The following EFR3A variants were observed in gnomAD, a reference collection of about 807,000 sequenced individuals.
EFR3A encodes the protein EFR3 homolog A, also known as protein EFR3 homolog A.
In EFR3A, 76 loss-of-function variants were observed where a neutral mutation model predicts 104.4. That is an observed-to-expected ratio of 0.73 (90% CI 0.60 to 0.88). The LOEUF is 0.88. EFR3A is among the 40% of genes least tolerant of loss of function. The probability of loss-of-function intolerance (pLI) is 0.00; values close to 1 mark genes in which losing one functional copy is unlikely to be tolerated. For missense variants in EFR3A, 985 were observed against 1,012.5 expected, an observed-to-expected ratio of 0.97 and a Z score of 0.37; for synonymous variants, 330 against 330.0, an observed-to-expected ratio of 1.00 and a Z score of 0.00.
chr8:131,981,589 G>A (rs576969385), intron 14 of EFR3A, among the ~76,000 whole-genome samples: 1 of 152,016 alleles, frequency 6.6e-6, no homozygotes, highest in South Asian at 2.1e-4. Flanking sequence ...ACCTTAACTA[G>A]CAACTCAGAT....
chr8:131,984,690 T>G (rs535451707), intron 15 of EFR3A, among the ~76,000 whole-genome samples: 1 of 152,154 alleles, frequency 6.6e-6, no homozygotes. Flanking sequence ...CGTGTGTGTG[T>G]GTATATATAT....
intron 19 of EFR3A, among the ~76,000 whole-genome samples, chr8:131,997,295 T>C (rs16904569): frequency 0.041 from 6,299 of 152,178 alleles, 315 homozygotes; most frequent in East Asian, 0.12. Flanking sequence ...ATATGCATAA[T>C]TAAAAGAATA....
At chr8:131,975,525 T>C (rs1820284284) in intron 10 of EFR3A, among the ~76,000 whole-genome samples, 1 of 149,026 alleles carries the variant, frequency 6.7e-6, no homozygotes, top group Admixed American at 6.8e-5. Context: ...CAAGCAATTC[T>C]CCTGCCTCAA....
chr8:131,904,365 C>T, intron 1 of EFR3A, 43 bp downstream of exon 1: 3 of 1,244,252 alleles, frequency 2.4e-6, no homozygotes, highest in Non-Finnish European at 2.0e-6. Flanking sequence ...GAGGCGACTG[C>T]CTGCGCGACG....
At chr8:131,966,626 G>A (rs1469457134) in intron 8 of EFR3A, among the ~76,000 whole-genome samples, 1 of 152,118 alleles carries the variant, frequency 6.6e-6, no homozygotes, top group Non-Finnish European at 1.5e-5. Context: ...GAGAAACTGA[G>A]TTACAGGGAG....
At chr8:131,970,667 A>G in intron 10 of EFR3A, 24 bp downstream of exon 10, 1 of 1,600,866 alleles carries the variant, frequency 6.2e-7, no homozygotes, top group Non-Finnish European at 8.5e-7. Context: ...ACTTTTCAAA[A>G]CTATCATGTA....
chr8:131,947,535 T>A (rs1818500765), intron 4 of EFR3A, among the ~76,000 whole-genome samples: 1 of 151,906 alleles, frequency 6.6e-6, no homozygotes, highest in Non-Finnish European at 1.5e-5. Context: ...TTCCTTTTTT[T>A]TTTTTCCTTT....
rs1353429844 is a variant in EFR3A at position 131,970,471 on chromosome 8, T to C, written c.992-5T>C. The C allele has an allele frequency of 1.2e-6, 2 of 1,612,912 alleles. No individual in the cohort carries two copies. The highest frequency in any genetic ancestry group is 2.2e-5 in the South Asian group (2 of 90,942). On this transcript the variant is annotated splice_polypyrimidine_tract_variant and splice_region_variant and intron_variant, in intron 9 of 22. Coordinates refer to ENST00000254624, the MANE Select transcript of EFR3A (RefSeq NM_015137.6). ...GTATCTTCTCACATAAGTGATCCTTTATAGGTCCGACAGTGCTGGAAGTCT... is the reference window on the plus strand; with the variant it reads ...GTATCTTCTCACATAAGTGATCCTTCATAGGTCCGACAGTGCTGGAAGTCT...
chr8:131,953,749 C>A, intron 5 of EFR3A, 69 bp from the exon 6 acceptor site: 1 of 1,336,780 alleles, frequency 7.5e-7, no homozygotes. Context: ...ATTCTCTTAG[C>A]TACGCAAACA....
intron 22 of EFR3A, among the ~76,000 whole-genome samples, chr8:132,010,438 A>G (rs985100322): frequency 3.7e-5 from 5 of 136,946 alleles, no homozygotes; most frequent in Non-Finnish European, 7.7e-5. Flanking sequence ...ATATATATAT[A>G]TATATATATA....
rs1818624025 is a variant in EFR3A at position 131,950,068 on chromosome 8, A to G, written c.466A>G (p.Ser156Gly). ...CAGTGCCATGTGCCATTCCTGTCATAGTGATCCAGAAATACGAACAGAGTA... is the reference window on the plus strand; with the variant it reads ...CAGTGCCATGTGCCATTCCTGTCATGGTGATCCAGAAATACGAACAGAGTA... ...RFSAMCHSCH[S>G]DPEIRTEIRI... The change falls in exon 5 of 23, where the codon AGT becomes GGT. Residue 156 changes from serine to glycine, a missense_variant. Ser to Gly is a moderately conservative substitution (Grantham distance 56). Coordinates refer to ENST00000254624, the MANE Select transcript of EFR3A (RefSeq NM_015137.6). 3 of 1,609,738 alleles carry G rather than the reference A, an allele frequency of 1.9e-6. No homozygotes were observed. The highest frequency in any genetic ancestry group is 4.5e-5 in the East Asian group (2 of 44,696).
At chr8:131,994,782 G>C (rs1821392292) in intron 18 of EFR3A, among the ~76,000 whole-genome samples, 1 of 152,160 alleles carries the variant, frequency 6.6e-6, no homozygotes, top group Admixed American at 6.5e-5. Flanking sequence ...TGATTAATAA[G>C]AAACTGGAAA....
At chr8:131,929,751 A>G (rs1182376361) in intron 1 of EFR3A, among the ~76,000 whole-genome samples, 1 of 152,076 alleles carries the variant, frequency 6.6e-6, no homozygotes, top group Non-Finnish European at 1.5e-5. Context: ...TCTGAGGCAC[A>G]TTTGTTTTTT....
chr8:131,929,698 G>T (rs986419326), intron 1 of EFR3A, among the ~76,000 whole-genome samples: 2 of 152,088 alleles, frequency 1.3e-5, no homozygotes, highest in Non-Finnish European at 2.9e-5. Flanking sequence ...ATTGTTAAAA[G>T]AATACATGAG....
chr8:131,955,816 T>C lies in EFR3A; in HGVS notation c.687T>C (p.Asn229=). 1 of 1,613,562 alleles carries C rather than the reference T, an allele frequency of 6.2e-7. No individual in the cohort carries two copies. Residue 229 remains asparagine (N), a synonymous_variant, in exon 7 of 23, where the codon AAT becomes AAC. Transcript: ENST00000254624. Reference sequence around the variant, plus strand: ...CTTCTGCAACTGACAAAGAAGAGAATCCTGCTGTGCTGGCTGAAAACTGTT... The same window carrying C: ...CTTCTGCAACTGACAAAGAAGAGAACCCTGCTGTGCTGGCTGAAAACTGTT... ...SSPSATDKEE[N]PAVLAENCFR...
intron 16 of EFR3A, among the ~76,000 whole-genome samples, chr8:131,985,540 T>G (rs544975730): frequency 3.3e-5 from 5 of 152,202 alleles, no homozygotes; most frequent in Non-Finnish European, 7.3e-5. Context: ...AATAAACATT[T>G]CAATGCCCCC....
chr8:131,930,049 A>G (rs16904552), intron 1 of EFR3A, among the ~76,000 whole-genome samples: 7,518 of 152,200 alleles, frequency 0.049, 453 homozygotes, highest in African/African-American at 0.14. Context: ...ACTGCCCTAT[A>G]ACTCCATGGA....
chr8:131,913,674 A>G (rs1816626245), intron 1 of EFR3A, among the ~76,000 whole-genome samples: 1 of 152,126 alleles, frequency 6.6e-6, no homozygotes, highest in African/African-American at 2.4e-5. Context: ...TTTCTGGATA[A>G]TGCTAAGTGT....
In EFR3A at chr8:132,010,905, G is replaced by T; in HGVS notation, c.*10G>T. 2 of 1,587,204 alleles carry T rather than the reference G, an allele frequency of 1.3e-6. No homozygotes were observed. The highest frequency in any genetic ancestry group is 2.3e-5 in the South Asian group (2 of 87,568). ...TCTGTGTGTGTACTGATCGGCGCAT[G>T]AAGACCTCAGGATATGATTTGTAAA... On this transcript the variant is annotated 3_prime_UTR_variant, in exon 23 of 23. Transcript: ENST00000254624.
Sources: gnomAD v4.1 joint callset for allele counts (sites outside exome capture counted in the v4.1 genomes callset) on GRCh38, gnomAD v4.1.1 for gene constraint, MANE v1.5 for transcripts, NCBI Gene and HGNC (gene_info 2026-07-23, HGNC 2026-07-21) for gene names.